The following RASGRF1 variants were observed in gnomAD, a reference collection of about 807,000 sequenced individuals.
RASGRF1 encodes ras-specific guanine nucleotide-releasing factor 1.
In RASGRF1, 40 loss-of-function variants were observed where a neutral mutation model predicts 138.7. That is an observed-to-expected ratio of 0.29 (90% confidence interval 0.22 to 0.38). RASGRF1 has a LOEUF of 0.38. Among genes scored for constraint, RASGRF1 ranks in the 10% least tolerant of loss-of-function variants. The pLI, the probability that RASGRF1 is intolerant of heterozygous loss-of-function variation, is 1.00. For synonymous variants in RASGRF1, 614 were observed against 663.2 expected (o/e 0.93, Z 1.14); for missense variants, 1,108 against 1,650.4 (o/e 0.67, Z 5.69).
At chr15:79,057,094 C>T (rs1482455111) in intron 3 of RASGRF1, among the ~76,000 whole-genome samples, 3 of 152,216 alleles carry the variant, frequency 2.0e-5, no homozygotes, top group East Asian at 3.8e-4. Flanking sequence ...AGGGAGCAAC[C>T]GGTTGAGTCA....
rs79187609 is a variant in RASGRF1, at chr15:79,024,019, TCA to T, written c.1542+1293_1542+1294del. Among the ~76,000 whole-genome samples the T allele has an allele frequency of 1.5e-3, 231 of 149,396 alleles. 2 individuals are homozygous for T. Among genetic ancestry groups the T allele is most frequent in the East Asian group, 4.5e-3 (23 of 5,076 alleles). On this transcript the variant is annotated intron_variant, in intron 10 of 26. Coordinates refer to ENST00000558480, the MANE Select transcript of RASGRF1 (RefSeq NM_001145648.3). ...ACATAGACACACACAGATACACACA[TCA>T]CACACACACACACATACAAACACAC...
rs73477398 is a variant in RASGRF1 at position 79,073,634 on chromosome 15, C to T, written c.277-9108G>A. Reference sequence around the variant, plus strand: ...GGGAAGCTAGAGGTGGCGTGTCAGGCTCTGGCTACAGGTGGTTGAGGATGG... The same window carrying T: ...GGGAAGCTAGAGGTGGCGTGTCAGGTTCTGGCTACAGGTGGTTGAGGATGG... On this transcript the variant is annotated intron_variant, in intron 1 of 26. Transcript: ENST00000558480. This position sits in a 1 kb window ranked among gnomAD's most constrained non-coding sequence, Gnocchi z 4.2. 0.01 allele frequency among the ~76,000 whole-genome samples: 1,584 copies of T among 152,228 alleles called. 32 individuals carry two copies. The highest frequency in any genetic ancestry group is 0.036 in the African/African-American group (1,500 of 41,500).
chr15:79,071,133 A>C (rs1185298566), intron 1 of RASGRF1, among the ~76,000 whole-genome samples: 2 of 152,202 alleles, frequency 1.3e-5, no homozygotes, highest in East Asian at 3.9e-4. Context: ...GACATGCTTG[A>C]GCCTGAAGCC....
intron 26 of RASGRF1, among the ~76,000 whole-genome samples, chr15:78,967,218 G>C (rs994713197): frequency 2.6e-5 from 4 of 152,016 alleles, no homozygotes; most frequent in African/African-American, 9.7e-5. Flanking sequence ...ATTTGAGCCT[G>C]GGTGACAGAG....
intron 5 of RASGRF1, among the ~76,000 whole-genome samples, chr15:79,040,481 G>T (rs1304199417): frequency 6.6e-6 from 1 of 152,198 alleles, no homozygotes; most frequent in Non-Finnish European, 1.5e-5. Context: ...AACTGCCTCT[G>T]TCTGTCTCAT....
Position 79,090,220 on chromosome 15 carries a change from C to T in RASGRF1, c.276+3G>A. ...GGAGGTCAGGACGCGACGCTCGCCTCACCTGTTTCTCCAGCGGCTCCTTGG... is the reference window on the plus strand; with the variant it reads ...GGAGGTCAGGACGCGACGCTCGCCTTACCTGTTTCTCCAGCGGCTCCTTGG... On this transcript the variant is annotated splice_donor_region_variant and intron_variant, in intron 1 of 26. Coordinates refer to ENST00000558480, the MANE Select transcript of RASGRF1 (RefSeq NM_001145648.3). The T allele has an allele frequency of 6.2e-7, 1 of 1,600,638 alleles. No homozygotes were observed. Among genetic ancestry groups the T allele is most frequent in the Non-Finnish European group, 8.5e-7 (1 of 1,176,248 alleles).
rs34687975 is a variant in RASGRF1 at position 79,015,338 on chromosome 15, C to T, written c.1815G>A (p.Pro605=). The change falls in exon 13 of 27, where the codon CCG becomes CCA. Residue 605 remains proline, a synonymous_variant. Coordinates refer to ENST00000558480, the MANE Select transcript of RASGRF1 (RefSeq NM_001145648.3). ...AFEENSKVTV[P]QMIKSDASLY... Reference sequence around the variant, plus strand: ...TTAAGGGCACTTACTTGATCATCTGCGGCACAGTGACCTTGGAATTTTCTT... The same window carrying T: ...TTAAGGGCACTTACTTGATCATCTGTGGCACAGTGACCTTGGAATTTTCTT... 0.01 allele frequency: 16,548 copies of T among 1,612,944 alleles called. 103 individuals carry two copies. Among genetic ancestry groups the T allele is most frequent in the Non-Finnish European group, 0.012 (14,734 of 1,178,902 alleles).
rs1252076637 is a variant in RASGRF1, at chr15:79,090,759, G to A, written c.-261C>T. ...GAAGATGCCGCCCGACCCTCCTCCG[G>A]TGCCGGGCAAACTGAGGGACTGGCG... is the stretch of plus-strand genomic sequence containing the variant. On this transcript the variant is annotated 5_prime_UTR_variant, in exon 1 of 27. Transcript: ENST00000558480. 3.9e-6 allele frequency: 2 copies of A among 511,344 alleles called. No homozygotes were observed. 31.7% of individuals were successfully genotyped at this position (511,344 alleles called of 1,614,324 possible).
At chr15:79,034,459 C>T (rs1406633797) in intron 6 of RASGRF1, among the ~76,000 whole-genome samples, 1 of 152,164 alleles carries the variant, frequency 6.6e-6, no homozygotes, top group Non-Finnish European at 1.5e-5. Flanking sequence ...CAATTCTGCT[C>T]ATTGGAAACC....
chr15:79,060,371 C>T (rs1194945845), intron 2 of RASGRF1, among the ~76,000 whole-genome samples: 3 of 152,234 alleles, frequency 2.0e-5, no homozygotes, highest in African/African-American at 7.2e-5. Context: ...GTCCCATTGA[C>T]ACGTGCTGCT....
intron 1 of RASGRF1, among the ~76,000 whole-genome samples, chr15:79,075,523 C>A (rs2057821430): frequency 6.6e-6 from 1 of 152,190 alleles, no homozygotes; most frequent in South Asian, 2.1e-4. Context: ...GAAGCTGGGG[C>A]TGGGGGCTTG....
At chr15:79,053,133 C>T (rs550926216) in intron 3 of RASGRF1, among the ~76,000 whole-genome samples, 14 of 152,140 alleles carry the variant, frequency 9.2e-5, no homozygotes, top group South Asian at 2.1e-4. Flanking sequence ...GGTGTGGTGG[C>T]GCACACCTGT....
In RASGRF1 at chr15:79,083,406, C is replaced by T. The variant is rs144102290; in HGVS notation, c.276+6817G>A. 3.5e-3 allele frequency among the ~76,000 whole-genome samples: 526 copies of T among 152,330 alleles called. 1 individual carries two copies. Among genetic ancestry groups the T allele is most frequent in the Non-Finnish European group, 4.8e-3 (328 of 68,022 alleles). ...AGTTCTGTTCTTGGCTGCACGCACA[C>T]GGGCACCGGCTCCATGCTCCCACAG... On this transcript the variant is annotated intron_variant, in intron 1 of 26. Transcript: ENST00000558480.
chr15:79,080,914 T>C (rs751315866), intron 1 of RASGRF1, among the ~76,000 whole-genome samples: 2 of 152,132 alleles, frequency 1.3e-5, no homozygotes, highest in African/African-American at 2.4e-5. Flanking sequence ...AGACACTCAA[T>C]TGGTATTTGT....
chr15:78,971,073 T>C (rs1202337118), intron 26 of RASGRF1, among the ~76,000 whole-genome samples: 2 of 152,144 alleles, frequency 1.3e-5, no homozygotes, highest in Non-Finnish European at 2.9e-5. Context: ...CAAGCCTGTC[T>C]CTCTGCAAGA....
chr15:79,033,746 C>T (rs1035437163), intron 6 of RASGRF1, among the ~76,000 whole-genome samples: 2 of 151,470 alleles, frequency 1.3e-5, no homozygotes, highest in Non-Finnish European at 2.9e-5. Context: ...TGCACCACTA[C>T]ACCTGGCTAA....
In RASGRF1 at chr15:79,018,048, T is replaced by C. The variant is rs1388932270; in HGVS notation, c.1607-142A>G. 2.2e-5 allele frequency: 24 copies of C among 1,088,608 alleles called. No individual in the cohort carries two copies. The East Asian group carries it at 6.0e-4, about 27-fold the overall frequency. The allele number at this position is 1,088,608 out of a possible 1,614,324, so 67.4% of individuals were successfully genotyped here. ...AGGCCAATTGCTGCTACTTTCAGAA[T>C]ATTATTTTCCTAAGTGGGAAATCCC... On this transcript the variant is annotated intron_variant, in intron 11 of 26. Coordinates refer to ENST00000558480, the MANE Select transcript of RASGRF1 (RefSeq NM_001145648.3).
At chr15:79,084,120 A>C (rs2057949091) in intron 1 of RASGRF1, among the ~76,000 whole-genome samples, 2 of 152,244 alleles carry the variant, frequency 1.3e-5, no homozygotes, top group South Asian at 2.1e-4. Context: ...GCTCTGATTG[A>C]TGTGGGAGTG....
intron 2 of RASGRF1, among the ~76,000 whole-genome samples, chr15:79,059,382 C>CCCTAT (rs2057562711): frequency 1.6e-5 from 1 of 60,648 alleles, no homozygotes; most frequent in African/African-American, 7.9e-5. Flanking sequence ...TCCTTCCCTT[C>CCCTAT]CCTTCCCTTC....
Sources: allele counts gnomAD v4.1 joint callset (sites outside exome capture counted in the v4.1 genomes callset), GRCh38; gene constraint gnomAD v4.1.1; non-coding constraint Gnocchi (gnomAD v3.1); transcripts MANE v1.5; gene names NCBI Gene and HGNC (gene_info 2026-07-23, HGNC 2026-07-21).